The following PATJ variants were observed in gnomAD, a reference collection of about 807,000 sequenced individuals.
PATJ encodes PATJ crumbs cell polarity complex component, also known as inaD-like protein.
Under a neutral mutation model 224.9 loss-of-function variants are expected in PATJ, and 190 were observed. The ratio of observed to expected loss-of-function variants is 0.84; its 90% confidence interval spans 0.75 to 0.95. PATJ has a LOEUF of 0.95. Among genes scored for constraint, PATJ ranks in the 40% least tolerant of loss-of-function variants. The pLI is 0.00. For synonymous variants in PATJ, 769 were observed against 820.3 expected (o/e 0.94, Z 1.07); for missense variants, 2,121 against 2,270.3 (o/e 0.93, Z 1.34).
At chr1:61,918,426 G>C (rs569828155) in intron 26 of PATJ, among the ~76,000 whole-genome samples, 8 of 150,142 alleles carry the variant, frequency 5.3e-5, no homozygotes, top group Non-Finnish European at 1.0e-4. Flanking sequence ...TCATGCCTCA[G>C]CCTCCCGAGT....
chr1:61,862,164 C>T (rs1570954712), intron 19 of PATJ, among the ~76,000 whole-genome samples: 1 of 149,714 alleles, frequency 6.7e-6, no homozygotes, highest in African/African-American at 2.4e-5. Context: ...TGCCTGGCCT[C>T]ATTGTATATA....
In PATJ at chr1:62,121,440, C is replaced by T. The variant is rs796316771; in HGVS notation, c.5005+145C>T. On this transcript the variant is annotated intron_variant, in intron 38 of 43. Coordinates refer to ENST00000642238, the MANE Select transcript of PATJ (RefSeq NM_001350145.3). ...CACATAAGCTGAGCTTTCTGAAAGG[C>T]ATGTTCTGAAGGTAGGAAAGCCATA... 25 of 621,298 alleles carry T rather than the reference C, an allele frequency of 4.0e-5. No individual in the cohort carries two copies. In the South Asian group the frequency reaches 4.8e-4, roughly 12 times the overall value. 38.5% of individuals were successfully genotyped at this position (621,298 alleles called of 1,614,324 possible).
intron 27 of PATJ, among the ~76,000 whole-genome samples, chr1:61,976,394 G>C (rs750261096): frequency 6.6e-6 from 1 of 151,768 alleles, no homozygotes; most frequent in Non-Finnish European, 1.5e-5. Flanking sequence ...TTGTTGTGAG[G>C]GGTTTTTTTG....
chr1:62,067,894 G>A (rs921712344), intron 31 of PATJ, among the ~76,000 whole-genome samples: 11 of 152,076 alleles, frequency 7.2e-5, no homozygotes, highest in South Asian at 2.1e-4. Context: ...TCTGCCTCCC[G>A]GGCTCAAGCG....
intron 7 of PATJ, 58 bp from the exon 8 acceptor site, chr1:61,787,695 TA>T: frequency 3.1e-6 from 4 of 1,301,144 alleles, no homozygotes; most frequent in African/African-American, 1.4e-5. Context: ...GATGAATTGT[TA>T]TTAACCAGTG....
intron 7 of PATJ, among the ~76,000 whole-genome samples, chr1:61,776,808 C>G (rs967990127): frequency 6.6e-6 from 1 of 151,748 alleles, no homozygotes; most frequent in Non-Finnish European, 1.5e-5. Context: ...TCACTGCAAG[C>G]TCCACCTCCC....
intron 31 of PATJ, among the ~76,000 whole-genome samples, chr1:62,072,227 C>T (rs1448055765): frequency 1.3e-5 from 2 of 152,178 alleles, no homozygotes; most frequent in East Asian, 3.8e-4. Flanking sequence ...GGATTCTGCA[C>T]TCCTCCGTGG....
At chr1:62,010,078 C>CAAAAAAAA (rs34658070) in intron 28 of PATJ, among the ~76,000 whole-genome samples, 1 of 84,260 alleles carries the variant, frequency 1.2e-5, no homozygotes, top group Non-Finnish European at 2.6e-5. Flanking sequence ...GACTCCATCT[C>CAAAAAAAA]AAAAAAAAAA....
At chr1:62,025,634 A>G (rs1037321627) in intron 29 of PATJ, among the ~76,000 whole-genome samples, 5 of 152,234 alleles carry the variant, frequency 3.3e-5, no homozygotes, top group African/African-American at 4.8e-5. Flanking sequence ...CAGCTTGGCC[A>G]ACATGGCAAA....
chr1:61,781,179 A>G (rs72674633), intron 7 of PATJ, among the ~76,000 whole-genome samples: 128 of 152,292 alleles, frequency 8.4e-4, no homozygotes, highest in Non-Finnish European at 1.6e-3. Flanking sequence ...GAATTTATCC[A>G]AAGTTAATCC....
At position 61,771,411 on chromosome 1, in the gene PATJ, T is replaced by A. The variant is rs763104458; in HGVS notation, c.525-20T>A. On this transcript the variant is annotated intron_variant, in intron 5 of 43. Coordinates refer to ENST00000642238, the MANE Select transcript of PATJ (RefSeq NM_001350145.3). ...AGGTTATTAGATCACTTAAAAAATT[T>A]CTTTTCTTACATGATTAAGGGATCA... 18 of 1,506,810 alleles carry A rather than the reference T, an allele frequency of 1.2e-5. No individual in the cohort carries two copies. The highest frequency in any genetic ancestry group is 1.2e-5 in the Non-Finnish European group (13 of 1,123,052). The allele number at this position is 1,506,810 out of a possible 1,614,324, so 93.3% of individuals were successfully genotyped here.
At chr1:62,106,743 T>C (rs1186450987) in intron 33 of PATJ, among the ~76,000 whole-genome samples, 1 of 152,022 alleles carries the variant, frequency 6.6e-6, no homozygotes, top group Non-Finnish European at 1.5e-5. Flanking sequence ...CACTGCCTGC[T>C]CATCATCAAG....
chr1:61,799,962 T>C (rs1228881549), intron 11 of PATJ, among the ~76,000 whole-genome samples: 2 of 152,190 alleles, frequency 1.3e-5, no homozygotes, highest in African/African-American at 2.4e-5. Flanking sequence ...TATATATATA[T>C]ACATACCACA....
intron 25 of PATJ, among the ~76,000 whole-genome samples, chr1:61,910,635 C>A (rs1034216639): frequency 7.0e-6 from 1 of 142,506 alleles, no homozygotes; most frequent in Non-Finnish European, 1.5e-5. Flanking sequence ...AAGCCCCGAT[C>A]TCCTTGGCTC....
intron 43 of PATJ, among the ~76,000 whole-genome samples, chr1:62,158,491 G>A (rs1372215341): frequency 6.7e-6 from 1 of 148,640 alleles, no homozygotes; most frequent in African/African-American, 2.4e-5. Flanking sequence ...AGGCCAAGGT[G>A]GGCGGATCAC....
In PATJ at chr1:62,077,398, G is replaced by A. The variant is rs931148596; in HGVS notation, c.4126-2052G>A. ...CTCTTTTTAGTCAATATTAAATGAT[G>A]CTGATAGTGGCGGGGCACAGTGGCT... On this transcript the variant is annotated intron_variant, in intron 31 of 43. Transcript: ENST00000642238. Among the ~76,000 whole-genome samples the A allele has an allele frequency of 4.6e-5, 7 of 152,078 alleles. No homozygotes were observed. In the East Asian group the frequency reaches 1.2e-3, roughly 25 times the overall value.
chr1:62,002,709 C>CAAAAAAAAAAAA (rs766357883), intron 28 of PATJ, among the ~76,000 whole-genome samples: 1 of 112,792 alleles, frequency 8.9e-6, no homozygotes, highest in Admixed American at 9.8e-5. Context: ...AACTCTGTCT[C>CAAAAAAAAAAAA]AAAAAAAAAA....
At chr1:62,102,044 T>C (rs1040057292) in intron 33 of PATJ, among the ~76,000 whole-genome samples, 1 of 152,046 alleles carries the variant, frequency 6.6e-6, no homozygotes, top group Non-Finnish European at 1.5e-5. Context: ...CGGAGCATGG[T>C]GACATGTGCC....
At chr1:61,991,862 T>A (rs1645081891) in intron 28 of PATJ, 1 of 417,820 alleles carries the variant, frequency 2.4e-6, no homozygotes, top group African/African-American at 2.2e-5. Context: ...GTAGTAAAAA[T>A]GATGAAAGTT....
Sources: allele counts gnomAD v4.1 joint callset (sites outside exome capture counted in the v4.1 genomes callset), GRCh38; gene constraint gnomAD v4.1.1; transcripts MANE v1.5; gene names NCBI Gene and HGNC (gene_info 2026-07-23, HGNC 2026-07-21).